CCDC102B: variants seen among roughly 807,000 people sequenced by gnomAD.
CCDC102B encodes the protein coiled-coil domain-containing protein 102B.
CCDC102B carries 75 observed loss-of-function variants against 57.4 expected under a neutral mutation model. That is an observed-to-expected ratio of 1.31 (90% CI 1.08 to 1.58). The LOEUF (loss-of-function observed/expected upper bound fraction) is 1.58. CCDC102B is among the 40% of genes most tolerant of loss of function. The probability of loss-of-function intolerance (pLI) is 0.00; values close to 1 mark genes in which losing one functional copy is unlikely to be tolerated. For missense variants in CCDC102B, 636 were observed against 582.6 expected (o/e 1.09, Z -0.94); for synonymous variants, 206 against 201.9 (o/e 1.02, Z -0.17).
chr18:68,765,375 A>AAG (rs1568239039), intron 2 of CCDC102B, among the ~76,000 whole-genome samples: 1 of 143,812 alleles, frequency 7.0e-6, no homozygotes, highest in Non-Finnish European at 1.5e-5. Context: ...GAAAGAAAGA[A>AAG]AGAAAAGAAA....
intron 5 of CCDC102B, among the ~76,000 whole-genome samples, chr18:68,879,218 G>A (rs2039578533): frequency 6.6e-6 from 1 of 152,050 alleles, no homozygotes; most frequent in East Asian, 1.9e-4. Context: ...ATTCCTCCCG[G>A]TGGGCTCTTG....
At chr18:68,911,313 C>A (rs543935273) in intron 6 of CCDC102B, among the ~76,000 whole-genome samples, 1 of 152,252 alleles carries the variant, frequency 6.6e-6, no homozygotes, top group African/African-American at 2.4e-5. Context: ...AGGCTATTAT[C>A]TTTAGCCAGC....
At chr18:68,860,251 A>C (rs1290504038) in intron 4 of CCDC102B, among the ~76,000 whole-genome samples, 1 of 68,126 alleles carries the variant, frequency 1.5e-5, no homozygotes, top group African/African-American at 4.6e-5. Context: ...GAATTGAACA[A>C]TGAGATCACA....
chr18:68,919,849 C>A (rs764039278), intron 6 of CCDC102B, among the ~76,000 whole-genome samples: 9 of 152,160 alleles, frequency 5.9e-5, no homozygotes, highest in South Asian at 2.1e-4. Flanking sequence ...TGAATATATT[C>A]TTGCATTCTT....
At chr18:68,796,043 G>C (rs559946406), upstream of CCDC102B, among the ~76,000 whole-genome samples, 1 of 152,106 alleles carries the variant, frequency 6.6e-6, no homozygotes, top group Non-Finnish European at 1.5e-5. Flanking sequence ...GAAGAAGGGA[G>C]TTGACAAAAA....
rs567690853 is a variant in CCDC102B, at chr18:68,909,544, C to T, written c.1263+12116C>T. Among the ~76,000 whole-genome samples the T allele has an allele frequency of 5.3e-5, 8 of 152,126 alleles. No homozygotes were observed. The East Asian group carries it at 1.2e-3, about 22-fold the overall frequency. On this transcript the variant is annotated intron_variant, in intron 6 of 7. Transcript: ENST00000360242. ...GTGTTAGATGTGGAAGCATCTCAAA[C>T]GATCAGTAAAGAGATGTCATCATCA...
At chr18:68,732,585 G>A (rs910558265) in intron 2 of CCDC102B, among the ~76,000 whole-genome samples, 2 of 151,774 alleles carry the variant, frequency 1.3e-5, no homozygotes, top group Non-Finnish European at 2.9e-5. Context: ...GACCTCAGGC[G>A]ATCTGCCTGC....
chr18:68,883,507 T>C (rs573979618), intron 5 of CCDC102B, among the ~76,000 whole-genome samples: 2 of 152,292 alleles, frequency 1.3e-5, no homozygotes, highest in African/African-American at 2.4e-5. Flanking sequence ...TAAAATCATA[T>C]GTACGATTTT....
chr18:68,831,419 T>A (rs964031936), intron 1 of CCDC102B, among the ~76,000 whole-genome samples: 2 of 152,116 alleles, frequency 1.3e-5, no homozygotes, highest in Non-Finnish European at 2.9e-5. Flanking sequence ...ATCTATCTGA[T>A]CAGATAATGC....
At position 68,919,071 on chromosome 18, in the gene CCDC102B, C is replaced by G. The variant is rs531460216; in HGVS notation, c.1263+21643C>G. Among the ~76,000 whole-genome samples the G allele has an allele frequency of 5.3e-5, 8 of 151,984 alleles. No individual in the cohort carries two copies. In the South Asian group the frequency reaches 1.7e-3, roughly 32 times the overall value. ...TTTTCTGTATCTGTGTTGAAGAAAA[C>G]TACTCCCCAATACATTTTATAGTCT... On this transcript the variant is annotated intron_variant, in intron 6 of 7. Coordinates refer to ENST00000360242, the MANE Select transcript of CCDC102B (RefSeq NM_024781.3).
At chr18:69,038,479 C>T (rs1298593518) in intron 7 of CCDC102B, among the ~76,000 whole-genome samples, 1 of 151,872 alleles carries the variant, frequency 6.6e-6, no homozygotes, top group Non-Finnish European at 1.5e-5. Context: ...ATTCATATTA[C>T]CACCATTCTC....
At chr18:69,051,673 T>A (rs1339430211) in intron 7 of CCDC102B, among the ~76,000 whole-genome samples, 1 of 151,842 alleles carries the variant, frequency 6.6e-6, no homozygotes, top group Non-Finnish European at 1.5e-5. Flanking sequence ...CAGGATCAAA[T>A]AAATTATCAA....
chr18:68,961,870 C>G (rs973003994), intron 6 of CCDC102B, among the ~76,000 whole-genome samples: 31 of 151,994 alleles, frequency 2.0e-4, no homozygotes, highest in African/African-American at 7.5e-4. Flanking sequence ...AGAAATCTAC[C>G]TGCTTTTATA....
intron 7 of CCDC102B, among the ~76,000 whole-genome samples, chr18:69,050,104 C>A (rs111800480): frequency 3.7e-4 from 56 of 152,104 alleles, no homozygotes; most frequent in Non-Finnish European, 3.2e-4. Flanking sequence ...CCACTGCGCA[C>A]GGCCTTAAAT....
chr18:69,031,872 G>A (rs914850755), intron 7 of CCDC102B, among the ~76,000 whole-genome samples: 1 of 152,064 alleles, frequency 6.6e-6, no homozygotes, highest in Non-Finnish European at 1.5e-5. Context: ...GCAAAATCAA[G>A]TAGGTTCATT....
chr18:68,723,705 G>A (rs1409536418), intron 2 of CCDC102B, among the ~76,000 whole-genome samples: 2 of 152,216 alleles, frequency 1.3e-5, no homozygotes, highest in African/African-American at 2.4e-5. Context: ...CTCCACTCCT[G>A]TGGCTTTGCA....
intron 1 of CCDC102B, among the ~76,000 whole-genome samples, chr18:68,803,698 A>C (rs2035933319): frequency 6.7e-6 from 1 of 150,360 alleles, no homozygotes; most frequent in Admixed American, 6.6e-5. Context: ...AGGGTGGTGC[A>C]AAAGTAATTG....
chr18:69,043,143 A>G (rs558345885), intron 7 of CCDC102B, among the ~76,000 whole-genome samples: 13 of 152,236 alleles, frequency 8.5e-5, no homozygotes, highest in Non-Finnish European at 1.6e-4. Flanking sequence ...AGACAAGGTA[A>G]AGGATTAAGT....
At chr18:69,013,908 A>G (rs896975652) in intron 7 of CCDC102B, among the ~76,000 whole-genome samples, 10 of 152,204 alleles carry the variant, frequency 6.6e-5, no homozygotes, top group Non-Finnish European at 2.9e-5. Flanking sequence ...AATGCCTACT[A>G]AAATTGAGCT....
Sources: gnomAD v4.1 joint callset for allele counts (sites outside exome capture counted in the v4.1 genomes callset) on GRCh38, gnomAD v4.1.1 for gene constraint, MANE v1.5 for transcripts, NCBI Gene and HGNC (gene_info 2026-07-23, HGNC 2026-07-21) for gene names.